The following PPP1R13B variants were observed in gnomAD, a reference collection of about 807,000 sequenced individuals.
PPP1R13B encodes the protein apoptosis-stimulating of p53 protein 1.
Under a neutral mutation model 119.8 loss-of-function variants are expected in PPP1R13B, and 44 were observed. That is an observed-to-expected ratio of 0.37 (90% CI 0.29 to 0.47). The LOEUF (loss-of-function observed/expected upper bound fraction) is 0.47. PPP1R13B is among the 20% of genes least tolerant of loss of function. The pLI is 0.99. For missense variants in PPP1R13B, 1,227 were observed against 1,413.5 expected (o/e 0.87, Z 2.12); for synonymous variants, 542 against 561.5 (o/e 0.97, Z 0.49).
chr14:103,779,430 A>G (rs1701149922), intron 3 of PPP1R13B, among the ~76,000 whole-genome samples: 1 of 152,146 alleles, frequency 6.6e-6, no homozygotes, highest in Admixed American at 6.5e-5. Flanking sequence ...AAAATGGAGA[A>G]GATGGTAAAT....
At chr14:103,764,871 C>G (rs1384388834) in intron 4 of PPP1R13B, among the ~76,000 whole-genome samples, 1 of 152,102 alleles carries the variant, frequency 6.6e-6, no homozygotes, top group Non-Finnish European at 1.5e-5. Flanking sequence ...CCAGGCTGGA[C>G]TGCAGTGGCG....
intron 1 of PPP1R13B, among the ~76,000 whole-genome samples, chr14:103,816,918 G>A (rs1479807073): frequency 2.6e-5 from 4 of 152,044 alleles, no homozygotes; most frequent in Non-Finnish European, 4.4e-5. Context: ...AATTTACAAA[G>A]GAAAAGTAAA....
intron 1 of PPP1R13B, among the ~76,000 whole-genome samples, chr14:103,842,948 G>C (rs1019899600): frequency 6.6e-6 from 1 of 152,138 alleles, no homozygotes; most frequent in African/African-American, 2.4e-5. Flanking sequence ...CTGCACTCCA[G>C]CCTGGGCAAC....
At chr14:103,842,301 C>CTTTTTT (rs34596421) in intron 1 of PPP1R13B, among the ~76,000 whole-genome samples, 2 of 117,972 alleles carry the variant, frequency 1.7e-5, no homozygotes, top group Admixed American at 9.3e-5. Flanking sequence ...AGAGTGCCTT[C>CTTTTTT]TTTTTTTTTT....
chr14:103,821,603 T>C (rs1462127748), intron 1 of PPP1R13B, among the ~76,000 whole-genome samples: 1 of 151,830 alleles, frequency 6.6e-6, no homozygotes, highest in East Asian at 1.9e-4. Flanking sequence ...AATACAAAAT[T>C]AGCCGGGCGT....
chr14:103,823,135 G>A (rs1176484786), intron 1 of PPP1R13B, among the ~76,000 whole-genome samples: 3 of 151,926 alleles, frequency 2.0e-5, no homozygotes, highest in Non-Finnish European at 4.4e-5. Flanking sequence ...TCAGGAGATC[G>A]AGACCATCCT....
intron 9 of PPP1R13B, among the ~76,000 whole-genome samples, chr14:103,745,214 C>T (rs553594893): frequency 3.9e-5 from 6 of 152,236 alleles, no homozygotes; most frequent in East Asian, 1.9e-4. Context: ...TCTTCTCTTT[C>T]GGAGTTCATA....
chr14:103,804,134 A>G (rs1360113571), intron 1 of PPP1R13B: 1 of 793,560 alleles, frequency 1.3e-6, no homozygotes, highest in South Asian at 5.7e-5. Context: ...ATACTAGACC[A>G]TAAGGACAAT....
At chr14:103,820,164 A>C (rs8005262) in intron 1 of PPP1R13B, among the ~76,000 whole-genome samples, 3,489 of 152,300 alleles carry the variant, frequency 0.023, 137 homozygotes, top group African/African-American at 0.079. Context: ...GGGACGCGTG[A>C]GAAGCAGGAA....
intron 4 of PPP1R13B, among the ~76,000 whole-genome samples, chr14:103,776,763 T>A (rs1367592603): frequency 1.3e-5 from 2 of 150,292 alleles, no homozygotes; most frequent in Admixed American, 6.6e-5. Context: ...TCCCAGCTGC[T>A]GGGGAGGCTG....
upstream of PPP1R13B, chr14:103,847,706 C>A (rs547539437): frequency 4.7e-5 from 38 of 811,350 alleles, no homozygotes; most frequent in African/African-American, 3.7e-4. Context: ...CGGGGCTTCC[C>A]GGCTCCGCCC....
chr14:103,782,750 A>G (rs2085365208), intron 3 of PPP1R13B, among the ~76,000 whole-genome samples: 1 of 151,926 alleles, frequency 6.6e-6, no homozygotes, highest in South Asian at 2.1e-4. Context: ...TCCTAGGGCC[A>G]TGTATATTCC....
intron 1 of PPP1R13B, among the ~76,000 whole-genome samples, chr14:103,829,759 C>A (rs1184144938): frequency 6.6e-6 from 1 of 152,086 alleles, no homozygotes; most frequent in Non-Finnish European, 1.5e-5. Context: ...TACAGGTGAG[C>A]ACCACCACAC....
At chr14:103,841,335 C>T (rs1004090487) in intron 1 of PPP1R13B, among the ~76,000 whole-genome samples, 1 of 151,846 alleles carries the variant, frequency 6.6e-6, no homozygotes, top group Non-Finnish European at 1.5e-5. Context: ...AGCCTGTAAT[C>T]CCAGCACTCT....
chr14:103,757,354 C>G (rs916598933), intron 5 of PPP1R13B, among the ~76,000 whole-genome samples: 6 of 152,152 alleles, frequency 3.9e-5, no homozygotes, highest in African/African-American at 1.4e-4. Context: ...GTGCCTGGCC[C>G]CTTTCCAAAT....
rs1440909707 is a variant in PPP1R13B, at chr14:103,737,791, G to A, written c.2934C>T (p.Ala978=). The A allele has an allele frequency of 2.3e-5, 37 of 1,614,080 alleles. No individual in the cohort carries two copies. Among genetic ancestry groups the A allele is most frequent in the Non-Finnish European group, 2.9e-5 (34 of 1,180,044 alleles). Residue 978 remains alanine (A), a synonymous_variant, in exon 15 of 17, where the codon GCC becomes GCT. Coordinates refer to ENST00000202556, the MANE Select transcript of PPP1R13B (RefSeq NM_015316.3). ...HLCKQLVESG[A]AIFASTISDI... is the part of the protein sequence containing the mutation. ...CGCTTATGGTTGAGGCAAAAATGGC[G>A]GCACCACTCTCCACCAGCTGTTTGC...
At position 103,752,988 on chromosome 14, in the gene PPP1R13B, C is replaced by A; in HGVS notation, c.828+12G>T. On this transcript the variant is annotated intron_variant, in intron 7 of 16. Coordinates refer to ENST00000202556, the MANE Select transcript of PPP1R13B (RefSeq NM_015316.3). Reference sequence around the variant, plus strand: ...ATGTTTTAATACAACCATTGCCAGACCCAGGAGTTACCTGTAGTTCTTGGT... The same window carrying A: ...ATGTTTTAATACAACCATTGCCAGAACCAGGAGTTACCTGTAGTTCTTGGT... 2 of 1,611,684 alleles carry A rather than the reference C, an allele frequency of 1.2e-6. No individual in the cohort carries two copies. The highest frequency in any genetic ancestry group is 1.7e-6 in the Non-Finnish European group (2 of 1,178,346).
At chr14:103,743,983 A>C (rs966332302) in intron 9 of PPP1R13B, 1 of 152,252 alleles carries the variant, frequency 6.6e-6, no homozygotes, top group African/African-American at 2.4e-5. Flanking sequence ...AGACAGCTCT[A>C]GTCAAGCCCC....
At chr14:103,753,955 C>G in intron 6 of PPP1R13B, 115 bp downstream of exon 6, 1 of 1,278,376 alleles carries the variant, frequency 7.8e-7, no homozygotes, top group Non-Finnish European at 1.1e-6. Context: ...AAAACTTGAG[C>G]ACGCTTGCTA....
Sources: gnomAD v4.1 joint callset for allele counts (sites outside exome capture counted in the v4.1 genomes callset) on GRCh38, gnomAD v4.1.1 for gene constraint, MANE v1.5 for transcripts, NCBI Gene and HGNC (gene_info 2026-07-23, HGNC 2026-07-21) for gene names.